UNC13B: variants seen among roughly 807,000 people sequenced by gnomAD.
UNC13B encodes the protein protein unc-13 homolog B.
A neutral mutation model predicts 211.0 loss-of-function variants in UNC13B; 144 were observed. The ratio of observed to expected loss-of-function variants is 0.68; its 90% CI spans 0.60 to 0.78. The LOEUF (loss-of-function observed/expected upper bound fraction) is 0.78. Among genes scored for constraint, UNC13B ranks in the 30% least tolerant of loss-of-function variants. UNC13B has a pLI of 0.00. For synonymous variants in UNC13B, 709 were observed against 725.8 expected (o/e 0.98, Z 0.37); for missense variants, 1,777 against 2,002.0 (o/e 0.89, Z 2.14).
chr9:35,369,947 G>A (rs1472863244), intron 12 of UNC13B, among the ~76,000 whole-genome samples: 1 of 152,148 alleles, frequency 6.6e-6, no homozygotes, highest in Non-Finnish European at 1.5e-5. Flanking sequence ...TTATCTTTGG[G>A]GAGCAGTGTC....
chr9:35,285,756 C>G (rs1828755891), intron 7 of UNC13B, among the ~76,000 whole-genome samples: 1 of 152,104 alleles, frequency 6.6e-6, no homozygotes, highest in Non-Finnish European at 1.5e-5. Flanking sequence ...CAGAATAATT[C>G]TGTAATCTCT....
At chr9:35,265,048 A>G (rs918574610) in intron 7 of UNC13B, among the ~76,000 whole-genome samples, 1 of 152,210 alleles carries the variant, frequency 6.6e-6, no homozygotes, top group African/African-American at 2.4e-5. Context: ...TTGGGACTTT[A>G]GACTTTGAAG....
chr9:35,171,824 T>C (rs901469393), intron 1 of UNC13B, among the ~76,000 whole-genome samples: 1 of 152,212 alleles, frequency 6.6e-6, no homozygotes, highest in Admixed American at 6.5e-5. Flanking sequence ...CTGTTGTTTA[T>C]TTATTTAATG....
intron 26 of UNC13B, among the ~76,000 whole-genome samples, chr9:35,392,686 A>C (rs1284458206): frequency 6.6e-6 from 1 of 151,950 alleles, no homozygotes; most frequent in African/African-American, 2.4e-5. Flanking sequence ...AGATATACCT[A>C]ATGCTAGATG....
intron 1 of UNC13B, among the ~76,000 whole-genome samples, chr9:35,189,730 C>T (rs955675390): frequency 2.0e-5 from 3 of 152,148 alleles, no homozygotes; most frequent in Non-Finnish European, 4.4e-5. Context: ...AGTGCAAAGG[C>T]GTGATCCCGG....
intron 7 of UNC13B, among the ~76,000 whole-genome samples, chr9:35,280,646 G>A (rs1173338104): frequency 6.6e-6 from 1 of 152,148 alleles, no homozygotes; most frequent in Non-Finnish European, 1.5e-5. Context: ...TGATATTGAT[G>A]CTAATTATAG....
intron 7 of UNC13B, among the ~76,000 whole-genome samples, chr9:35,276,058 C>A (rs1340321442): frequency 1.3e-5 from 2 of 152,094 alleles, no homozygotes; most frequent in Non-Finnish European, 2.9e-5. Flanking sequence ...GTAATCCCAG[C>A]ACTTTGGGAG....
At chr9:35,338,285 C>T (rs530139523) in intron 11 of UNC13B, among the ~76,000 whole-genome samples, 1 of 152,302 alleles carries the variant, frequency 6.6e-6, no homozygotes, top group South Asian at 2.1e-4. Flanking sequence ...TTCTGCTAAT[C>T]AGGGATGGTC....
At chr9:35,259,175 G>C in intron 7 of UNC13B, 125 bp downstream of exon 7, 1 of 1,013,948 alleles carries the variant, frequency 9.9e-7, no homozygotes, top group Non-Finnish European at 1.5e-6. Context: ...TATTCCTGAA[G>C]CACATCTGTT....
rs975416955 is a variant in UNC13B, at chr9:35,307,517, A to G, written c.8113A>G (p.Met2705Val). The change falls in exon 9 of 40, where the codon ATG becomes GTG. Residue 2705 changes from methionine to valine, a missense_variant. Transcript: ENST00000635942. ...AGCCAGTTCACTAGAAACTGATACT[A>G]TGCTGTTCAATGATGCAAGTGTGAG... ...HPASSLETDTMLFNDASVSQS... is the reference protein window; with the variant it reads ...HPASSLETDTVLFNDASVSQS... 2.3e-5 allele frequency: 9 copies of G among 398,896 alleles called. No individual in the cohort carries two copies. Among genetic ancestry groups the G allele is most frequent in the Non-Finnish European group, 4.0e-5 (9 of 226,066 alleles). The allele number at this position is 398,896 out of a possible 1,614,324, so 24.7% of individuals were successfully genotyped here. A position where few individuals can be genotyped will look rare whatever the true frequency, so the allele number is the denominator to read the frequency against.
intron 6 of UNC13B, among the ~76,000 whole-genome samples, chr9:35,258,623 A>G (rs1197399130): frequency 6.6e-6 from 1 of 152,240 alleles, no homozygotes; most frequent in South Asian, 2.1e-4. Flanking sequence ...CATCACCTGA[A>G]TGGGGAAATC....
At chr9:35,187,471 A>G (rs1004615393) in intron 1 of UNC13B, among the ~76,000 whole-genome samples, 1 of 152,250 alleles carries the variant, frequency 6.6e-6, no homozygotes, top group African/African-American at 2.4e-5. Flanking sequence ...ATTTAGTGAC[A>G]AATGGATGAT....
chr9:35,255,836 T>G (rs1367321713), intron 6 of UNC13B, among the ~76,000 whole-genome samples: 2 of 152,148 alleles, frequency 1.3e-5, no homozygotes, highest in African/African-American at 4.8e-5. Flanking sequence ...TGTAGCTAAT[T>G]TGTTAGTCCT....
chr9:35,402,723 C>G (rs1365031965), intron 37 of UNC13B, among the ~76,000 whole-genome samples: 1 of 152,056 alleles, frequency 6.6e-6, no homozygotes, highest in Non-Finnish European at 1.5e-5. Flanking sequence ...ACAGCAGCCT[C>G]CCAAGCAGGG....
intron 1 of UNC13B, among the ~76,000 whole-genome samples, chr9:35,214,269 A>G (rs1306249302): frequency 6.6e-6 from 1 of 152,104 alleles, no homozygotes; most frequent in African/African-American, 2.4e-5. Context: ...TTCTACTAAA[A>G]ATACAAAAAT....
intron 1 of UNC13B, among the ~76,000 whole-genome samples, chr9:35,205,812 C>T (rs1823612041): frequency 6.6e-6 from 1 of 152,146 alleles, no homozygotes; most frequent in African/African-American, 2.4e-5. Context: ...ATGGACATTG[C>T]ATTGTTTCCA....
chr9:35,364,133 G>A (rs1007852391), intron 11 of UNC13B, among the ~76,000 whole-genome samples: 7 of 130,726 alleles, frequency 5.4e-5, no homozygotes, highest in South Asian at 4.3e-4. Flanking sequence ...ATAAGCTCAC[G>A]TGGCTTCTGA....
intron 17 of UNC13B, among the ~76,000 whole-genome samples, chr9:35,379,816 T>G (rs4879892): frequency 0.17 from 25,195 of 152,056 alleles, 3,158 homozygotes; most frequent in African/African-American, 0.34. Context: ...ATAGGGAAAG[T>G]AAGAGCACAT....
rs77251468 is a variant in UNC13B at position 35,162,966 on chromosome 9, G to A, written c.22+661G>A. Among the ~76,000 whole-genome samples, 542 of 152,328 alleles carry A rather than the reference G, an allele frequency of 3.6e-3. 3 individuals carry two copies. The highest frequency in any genetic ancestry group is 0.012 in the African/African-American group (508 of 41,564). On this transcript the variant is annotated intron_variant, in intron 1 of 39. Coordinates refer to ENST00000635942, the MANE Select transcript of UNC13B (RefSeq NM_001371189.2). ...TGAGGACACTTGACCCATCTAAGAAGATATCTTAAAGCAAGAGCTTTGGGG... is the reference window on the plus strand; with the variant it reads ...TGAGGACACTTGACCCATCTAAGAAAATATCTTAAAGCAAGAGCTTTGGGG...
Sources: gnomAD v4.1 joint callset for allele counts (sites outside exome capture counted in the v4.1 genomes callset) on GRCh38, gnomAD v4.1.1 for gene constraint, MANE v1.5 for transcripts, NCBI Gene and HGNC (gene_info 2026-07-23, HGNC 2026-07-21) for gene names.